ZC3H12B: variants seen among roughly 807,000 people sequenced by gnomAD.
ZC3H12B encodes the protein zinc finger CCCH-type containing 12B, also known as probable ribonuclease ZC3H12B.
In ZC3H12B, 7 loss-of-function variants were observed where a neutral mutation model predicts 43.9. That is an observed-to-expected ratio of 0.16 (90% CI 0.09 to 0.30). The LOEUF (loss-of-function observed/expected upper bound fraction) is 0.30. Among genes scored for constraint, ZC3H12B ranks in the 10% least tolerant of loss-of-function variants. ZC3H12B has a pLI of 1.00. For synonymous variants in ZC3H12B, 222 were observed against 241.7 expected (o/e 0.92, Z 0.76); for missense variants, 475 against 670.2 (o/e 0.71, Z 3.22).
intron 2 of ZC3H12B, among the ~76,000 whole-genome samples, chrX:65,372,312 C>A (rs191317367): frequency 5.4e-5 from 6 of 111,605 alleles, no homozygotes; most frequent in Non-Finnish European, 3.8e-5. Flanking sequence ...GCATTCCAAG[C>A]CTTCCAAGTC....
At chrX:65,322,098 G>A in the ZC3H12B span, among the ~76,000 whole-genome samples, 1 of 111,610 alleles carries the variant, frequency 9.0e-6, no homozygotes, top group Non-Finnish European at 1.9e-5. Context: ...TTTCTTGTGA[G>A]TACTTCAGGC....
chrX:65,276,022 T>C, the ZC3H12B span, among the ~76,000 whole-genome samples: 1 of 111,033 alleles, frequency 9.0e-6, no homozygotes, highest in African/African-American at 3.3e-5. Context: ...TAGCAATTCC[T>C]CAGTGATTAA....
the ZC3H12B span, among the ~76,000 whole-genome samples, chrX:65,069,857 TTTG>T: frequency 1.6e-3 from 174 of 111,835 alleles, no homozygotes; most frequent in Admixed American, 3.6e-3. Context: ...TTGCCTGTAT[TTTG>T]TTGAAGATTT....
the ZC3H12B span, among the ~76,000 whole-genome samples, chrX:65,110,801 G>A: frequency 9.0e-6 from 1 of 111,161 alleles, no homozygotes; most frequent in African/African-American, 3.3e-5. Context: ...ATTGTGTTAA[G>A]TCTGTATATT....
the ZC3H12B span, among the ~76,000 whole-genome samples, chrX:65,337,063 C>G: frequency 8.9e-6 from 1 of 111,949 alleles, no homozygotes; most frequent in Non-Finnish European, 1.9e-5. Flanking sequence ...TTCGGTCAAG[C>G]ATTTTTGCCT....
chrX:65,043,307 C>G, the ZC3H12B span, among the ~76,000 whole-genome samples: 1 of 110,105 alleles, frequency 9.1e-6, no homozygotes, highest in Non-Finnish European at 1.9e-5. Context: ...TAAAAAAAAG[C>G]AAAGTAGAGC....
chrX:65,254,241 C>A, the ZC3H12B span, among the ~76,000 whole-genome samples: 34 of 112,733 alleles, frequency 3.0e-4, no homozygotes, highest in Admixed American at 3.1e-3. Flanking sequence ...TGGACACTAA[C>A]ACCCTTGCAC....
At chrX:65,292,362 C>T in the ZC3H12B span, among the ~76,000 whole-genome samples, 1 of 111,685 alleles carries the variant, frequency 9.0e-6, no homozygotes, top group Non-Finnish European at 1.9e-5. Flanking sequence ...TAATCCTTTG[C>T]AAACTAACAC....
the ZC3H12B span, among the ~76,000 whole-genome samples, chrX:65,192,826 G>C: frequency 2.7e-5 from 3 of 109,638 alleles, no homozygotes; most frequent in East Asian, 2.8e-4. Context: ...ATGGAGTCTC[G>C]CTCTATTGCT....
At chrX:65,254,147 A>T in the ZC3H12B span, among the ~76,000 whole-genome samples, 4 of 111,361 alleles carry the variant, frequency 3.6e-5, no homozygotes, top group African/African-American at 9.8e-5. Flanking sequence ...CCACCCCCCC[A>T]CTGCCACTGC....
chrX:65,447,327 AT>A (rs2067391477), intron 3 of ZC3H12B, among the ~76,000 whole-genome samples: 1 of 111,112 alleles, frequency 9.0e-6, no homozygotes, highest in African/African-American at 3.3e-5. Context: ...GATTTTTTTA[AT>A]TTAAAAATTC....
the ZC3H12B span, among the ~76,000 whole-genome samples, chrX:65,342,180 A>G: frequency 8.0e-5 from 9 of 112,121 alleles, no homozygotes; most frequent in Admixed American, 4.7e-4. Context: ...AGGGCATTAC[A>G]TGATGGTAAA....
the ZC3H12B span, among the ~76,000 whole-genome samples, chrX:65,172,083 G>GA: frequency 3.6e-5 from 4 of 112,477 alleles, no homozygotes; most frequent in African/African-American, 1.3e-4. Flanking sequence ...TGGAAATGCA[G>GA]AAATCACTCG....
chrX:65,133,611 G>A, the ZC3H12B span, among the ~76,000 whole-genome samples: 1 of 111,523 alleles, frequency 9.0e-6, no homozygotes, highest in South Asian at 3.9e-4. Flanking sequence ...GCTAGTTTCG[G>A]AAAGAAACTA....
intron 3 of ZC3H12B, among the ~76,000 whole-genome samples, chrX:65,425,721 T>C (rs1229890193): frequency 1.8e-5 from 2 of 112,023 alleles, no homozygotes; most frequent in Non-Finnish European, 3.8e-5. Context: ...GAGTTAATCA[T>C]GTAGTTTTTG....
At chrX:65,321,118 G>A in the ZC3H12B span, among the ~76,000 whole-genome samples, 1 of 111,227 alleles carries the variant, frequency 9.0e-6, no homozygotes, top group Non-Finnish European at 1.9e-5. Context: ...CCTACAGAAT[G>A]GAAGAAAATT....
chrX:65,341,248 T>A, the ZC3H12B span, among the ~76,000 whole-genome samples: 11 of 111,956 alleles, frequency 9.8e-5, no homozygotes, highest in African/African-American at 1.6e-4. Flanking sequence ...TGTCTCTGAA[T>A]GAGATGGGGA....
At chrX:65,352,934 AC>A in the ZC3H12B span, among the ~76,000 whole-genome samples, 1 of 110,243 alleles carries the variant, frequency 9.1e-6, no homozygotes, top group Non-Finnish European at 1.9e-5. Context: ...TGCAGCCTTG[AC>A]CTCCTAGGCT....
chrX:65,435,259 G>C (rs749943239), intron 3 of ZC3H12B, among the ~76,000 whole-genome samples: 16 of 111,842 alleles, frequency 1.4e-4, no homozygotes, highest in Non-Finnish European at 2.6e-4. Flanking sequence ...TTAAATCCCT[G>C]AGCTAATCCT....
Sources: gnomAD v4.1 joint callset for allele counts (sites outside exome capture counted in the v4.1 genomes callset) on GRCh38, gnomAD v4.1.1 for gene constraint, MANE v1.5 for transcripts, NCBI Gene and HGNC (gene_info 2026-07-23, HGNC 2026-07-21) for gene names.